Variants in ZNF33B observed in about 807,000 individuals in gnomAD.
ZNF33B encodes the protein zinc finger protein 33B, also known as zinc finger protein 11b (KOX 2).
ZNF33B carries 29 observed loss-of-function variants against 45.8 expected under a neutral mutation model. That is an observed-to-expected ratio of 0.63 (90% confidence interval 0.47 to 0.86). The LOEUF (loss-of-function observed/expected upper bound fraction) is 0.86. Ranked by LOEUF, ZNF33B falls within the 40% of genes least tolerant of loss-of-function variation. The pLI is 0.00. For missense variants in ZNF33B, 831 were observed against 909.9 expected, an observed-to-expected ratio of 0.91 and a Z score of 1.12; for synonymous variants, 305 against 307.8, an observed-to-expected ratio of 0.99 and a Z score of 0.10.
chr10:42,585,289 T>C (rs547688188), downstream of ZNF33B, among the ~76,000 whole-genome samples: 2 of 152,348 alleles, frequency 1.3e-5, no homozygotes, highest in South Asian at 2.1e-4. Flanking sequence ...GTTTTTATAA[T>C]GAACACGACC....
chr10:42,603,165 A>G (rs1381366026), intron 4 of ZNF33B, among the ~76,000 whole-genome samples: 2 of 152,196 alleles, frequency 1.3e-5, no homozygotes, highest in Non-Finnish European at 2.9e-5. Flanking sequence ...ATCATAAAGC[A>G]CAGTATCACC....
chr10:42,582,074 C>T (rs1415415798), intron 1 of ZNF33B: 1 of 152,380 alleles, frequency 6.6e-6, no homozygotes, highest in East Asian at 1.9e-4. Flanking sequence ...CGAGACCGCA[C>T]CATTGTACTT....
chr10:42,587,191 G>A (rs1419200889), downstream of ZNF33B, among the ~76,000 whole-genome samples: 3 of 152,070 alleles, frequency 2.0e-5, no homozygotes, highest in Admixed American at 2.0e-4. Flanking sequence ...GTTTCAACAT[G>A]ACTTGCTTTT....
At position 42,593,956 on chromosome 10, in the gene ZNF33B, T is replaced by G. The variant is rs762920101; in HGVS notation, c.994A>C (p.Asn332His). Residue 332 changes from asparagine to histidine, a missense_variant, in exon 5 of 5, where the codon AAT becomes CAT. Transcript: ENST00000359467. Reference sequence around the variant, plus strand: ...TCCCAGAAAGCTTTCCCACATTCATTACATTCAAAGTGTTTCTCTCCTTTA... The same window carrying G: ...TCCCAGAAAGCTTTCCCACATTCATGACATTCAAAGTGTTTCTCTCCTTTA... ...GDKGEKHFEC[N>H]ECGKAFWEKS... 1 of 1,614,096 alleles carries G rather than the reference T, an allele frequency of 6.2e-7. No individual in the cohort carries two copies. Among genetic ancestry groups the G allele is most frequent in the South Asian group, 1.1e-5 (1 of 91,076 alleles).
intron 4 of ZNF33B, among the ~76,000 whole-genome samples, chr10:42,630,264 T>C (rs1003859550): frequency 1.3e-5 from 2 of 152,184 alleles, no homozygotes; most frequent in Non-Finnish European, 2.9e-5. Context: ...TTTTATTTAA[T>C]AGTGCTTTCC....
At chr10:42,576,651 A>T (rs1228887766) in intron 1 of ZNF33B, among the ~76,000 whole-genome samples, 1 of 152,166 alleles carries the variant, frequency 6.6e-6, no homozygotes, top group Admixed American at 6.5e-5. Flanking sequence ...GTGAATTCTG[A>T]TTCCGTGGGT....
At chr10:42,580,153 T>C (rs1350728837) in intron 1 of ZNF33B, among the ~76,000 whole-genome samples, 3 of 152,344 alleles carry the variant, frequency 2.0e-5, no homozygotes, top group Middle Eastern at 3.4e-3. Flanking sequence ...ACCAATATTA[T>C]AGAATGCTCA....
chr10:42,580,619 A>G (rs1217242033), intron 1 of ZNF33B, among the ~76,000 whole-genome samples: 1 of 151,654 alleles, frequency 6.6e-6, no homozygotes, highest in Non-Finnish European at 1.5e-5. Context: ...GAGTGGAAAA[A>G]TGGATATAAA....
rs1198577771 is a variant in ZNF33B at position 42,638,504 on chromosome 10, A to G, written c.-75T>C. Reference sequence around the variant, plus strand: ...TCTCTCTTCGGGTTGCATTCGCCATAAGAGAGCCGGTAGACCCCTGAAATC... The same window carrying G: ...TCTCTCTTCGGGTTGCATTCGCCATGAGAGAGCCGGTAGACCCCTGAAATC... On this transcript the variant is annotated 5_prime_UTR_variant, in exon 1 of 5. Transcript: ENST00000359467. 1.7e-5 allele frequency: 8 copies of G among 480,186 alleles called. No individual in the cohort carries two copies. The highest frequency in any genetic ancestry group is 3.3e-5 in the Non-Finnish European group (8 of 240,632). 29.7% of individuals were successfully genotyped at this position (480,186 alleles called of 1,614,324 possible).
intron 4 of ZNF33B, among the ~76,000 whole-genome samples, chr10:42,620,166 A>C (rs1172452868): frequency 1.3e-5 from 2 of 151,524 alleles, no homozygotes; most frequent in African/African-American, 2.4e-5. Context: ...CAGTGAACCA[A>C]GATCATACCA....
intron 4 of ZNF33B, among the ~76,000 whole-genome samples, chr10:42,608,132 A>G (rs1837943012): frequency 6.6e-6 from 1 of 152,238 alleles, no homozygotes; most frequent in Non-Finnish European, 1.5e-5. Context: ...TAACAATAAA[A>G]GGGTCAATCG....
In ZNF33B at chr10:42,592,779, T is replaced by C. The variant is rs1837189888; in HGVS notation, c.2171A>G (p.Asn724Ser). 6.2e-7 allele frequency: 1 copy of C among 1,614,146 alleles called. No individual in the cohort carries two copies. The highest frequency in any genetic ancestry group is 8.5e-7 in the Non-Finnish European group (1 of 1,179,994). The change falls in exon 5 of 5, where the codon AAT becomes AGT. Residue 724 changes from asparagine (N) to serine (S), a missense_variant. Coordinates refer to ENST00000359467, the MANE Select transcript of ZNF33B (RefSeq NM_006955.3). ...ACGGTAAAAGATTTTTCCACATTCA[T>C]TACACTGACAAGATTTCTCTCCTGT... ...AHTGEKSCQC[N>S]ECGKIFYRKS...
intron 4 of ZNF33B, among the ~76,000 whole-genome samples, chr10:42,611,340 C>CA (rs1306786621): frequency 1.9e-4 from 27 of 139,280 alleles, no homozygotes; most frequent in African/African-American, 2.4e-4. Flanking sequence ...GACTCCGTCT[C>CA]AAAAAAAAAA....
chr10:42,595,341 A>G (rs1333146429), intron 4 of ZNF33B, among the ~76,000 whole-genome samples: 3 of 152,208 alleles, frequency 2.0e-5, no homozygotes, highest in Non-Finnish European at 4.4e-5. Flanking sequence ...CTACTGGGAA[A>G]TCCAAGAGAA....
rs367988227 is a variant in ZNF33B, at chr10:42,593,313, G to A, written c.1637C>T (p.Thr546Met). ...LKSDLTIHQR[T>M]HTGEKPFACP... ...TGCAAAGGGTTTCTCCCCTGTGTGC[G>A]TTCTCTGATGTATTGTGAGGTCTGA... Residue 546 changes from threonine (T) to methionine (M), a missense_variant, in exon 5 of 5, where the codon ACG (threonine) becomes ATG (methionine). Thr to Met is a moderately conservative substitution (Grantham distance 81, BLOSUM62 -1). Transcript: ENST00000359467. 125 of 1,613,802 alleles carry A rather than the reference G, an allele frequency of 7.7e-5. No individual in the cohort carries two copies. Among genetic ancestry groups the A allele is most frequent in the Admixed American group, 1.8e-4 (11 of 59,980 alleles).
intron 4 of ZNF33B, among the ~76,000 whole-genome samples, chr10:42,615,615 G>A (rs1328499779): frequency 2.0e-5 from 3 of 152,142 alleles, no homozygotes; most frequent in Admixed American, 2.0e-4. Context: ...TTTCAGGGAT[G>A]ATGACAATGT....
At chr10:42,626,263 A>G (rs1838802676) in intron 4 of ZNF33B, among the ~76,000 whole-genome samples, 1 of 152,008 alleles carries the variant, frequency 6.6e-6, no homozygotes, top group Admixed American at 6.6e-5. Flanking sequence ...TTACATGACT[A>G]TTTTCTATTT....
At position 42,593,390 on chromosome 10, in the gene ZNF33B, T is replaced by G. The variant is rs764607959; in HGVS notation, c.1560A>C (p.Thr520=). ...CATAACATTCATAAGGTTTCAACCCTGTATGAATTATCTGATGCCTGGTGA... is the reference window on the plus strand; with the variant it reads ...CATAACATTCATAAGGTTTCAACCCGGTATGAATTATCTGATGCCTGGTGA... ...SVLTRHQIIH[T]GLKPYECYEC... Residue 520 remains threonine, a synonymous_variant, in exon 5 of 5, where the codon ACA becomes ACC. Coordinates refer to ENST00000359467, the MANE Select transcript of ZNF33B (RefSeq NM_006955.3). 6.2e-7 allele frequency: 1 copy of G among 1,613,988 alleles called. No homozygotes were observed. The highest frequency in any genetic ancestry group is 2.2e-5 in the East Asian group (1 of 44,836).
chr10:42,614,944 T>A lies in ZNF33B; in HGVS notation c.250+16985A>T, dbSNP rs532498988. Among the ~76,000 whole-genome samples, 4 of 151,362 alleles carry A rather than the reference T, an allele frequency of 2.6e-5. No homozygotes were observed. In the South Asian group the frequency reaches 6.3e-4, roughly 24 times the overall value. ...CCCCAGCCTGGGCAACAGAGCGAGA[T>A]TCCATCTCAAAAAGAAAAAAAAAAA... On this transcript the variant is annotated intron_variant, in intron 4 of 4. Coordinates refer to ENST00000359467, the MANE Select transcript of ZNF33B (RefSeq NM_006955.3).
Sources: gnomAD v4.1 joint callset for allele counts (sites outside exome capture counted in the v4.1 genomes callset) on GRCh38, gnomAD v4.1.1 for gene constraint, MANE v1.5 for transcripts, NCBI Gene and HGNC (gene_info 2026-07-23, HGNC 2026-07-21) for gene names.